RBPMS: variants seen among roughly 807,000 people sequenced by gnomAD.
RBPMS encodes RNA-binding protein with multiple splicing.
Under a neutral mutation model 26.8 loss-of-function variants are expected in RBPMS, and 7 were observed. That is an observed-to-expected ratio of 0.26 (90% confidence interval 0.15 to 0.49). The LOEUF is 0.49. RBPMS is among the 20% of genes least tolerant of loss of function. RBPMS has a pLI of 0.98. For synonymous variants in RBPMS, 96 were observed against 93.3 expected (o/e 1.03, Z -0.17); for missense variants, 186 against 250.0 (o/e 0.74, Z 1.73).
At chr8:30,439,573 T>A (rs1812840401) in intron 1 of RBPMS, among the ~76,000 whole-genome samples, 1 of 152,278 alleles carries the variant, frequency 6.6e-6, no homozygotes, top group South Asian at 2.1e-4. Context: ...GAGGAAAAAC[T>A]TCTTTCTTAG....
chr8:30,551,666 T>C (rs943360109), intron 6 of RBPMS, among the ~76,000 whole-genome samples: 1 of 152,146 alleles, frequency 6.6e-6, no homozygotes, highest in Non-Finnish European at 1.5e-5. Flanking sequence ...GGAAGTGCCG[T>C]CTGCGCTCGG....
chr8:30,390,270 A>C (rs1418695656), intron 1 of RBPMS, among the ~76,000 whole-genome samples: 1 of 152,210 alleles, frequency 6.6e-6, no homozygotes, highest in Non-Finnish European at 1.5e-5. Flanking sequence ...AGTTTTGCTC[A>C]CAAGCCTAGC....
chr8:30,408,846 A>G (rs1808954766), intron 1 of RBPMS, among the ~76,000 whole-genome samples: 1 of 152,154 alleles, frequency 6.6e-6, no homozygotes, highest in African/African-American at 2.4e-5. Flanking sequence ...TCATTAACCA[A>G]TCAGTCACCA....
chr8:30,426,033 G>C (rs928214057), intron 1 of RBPMS, among the ~76,000 whole-genome samples: 2 of 152,136 alleles, frequency 1.3e-5, no homozygotes, highest in South Asian at 4.2e-4. Context: ...AGGCTTCTCT[G>C]TCTCTTTCCT....
chr8:30,546,804 C>T (rs114605820), intron 6 of RBPMS, among the ~76,000 whole-genome samples: 2 of 152,302 alleles, frequency 1.3e-5, no homozygotes, highest in African/African-American at 4.8e-5. Flanking sequence ...CTAGTAGAGG[C>T]TTTACAGATC....
At chr8:30,477,479 T>C (rs1817825544) in intron 2 of RBPMS, among the ~76,000 whole-genome samples, 1 of 152,156 alleles carries the variant, frequency 6.6e-6, no homozygotes, top group Non-Finnish European at 1.5e-5. Context: ...CCTATTCTTA[T>C]CTAGACCAAG....
At chr8:30,556,861 C>G (rs1399752167) in intron 6 of RBPMS, 1 of 788,244 alleles carries the variant, frequency 1.3e-6, no homozygotes, top group Non-Finnish European at 1.5e-6. Flanking sequence ...CTTCTGTCCC[C>G]TTCCCTGCCC....
rs58756060 is a variant in RBPMS, at chr8:30,428,020, CT to C, written c.66+42884del. Among the ~76,000 whole-genome samples the C allele has an allele frequency of 3.5e-3, 364 of 103,948 alleles. 2 individuals are homozygous for C. Among genetic ancestry groups the C allele is most frequent in the African/African-American group, 0.011 (279 of 26,180 alleles). The allele number at this position is 103,948 out of a possible 152,430, so 68.2% of individuals were successfully genotyped here. ...CCTTGGCAACAAAATGAGACCCCAT[CT>C]TTTTTTTTTTTTTTTTTTTTTGAGA... On this transcript the variant is annotated intron_variant, in intron 1 of 8. Coordinates refer to ENST00000397323, the MANE Select transcript of RBPMS (RefSeq NM_001008710.3).
chr8:30,487,539 CTT>C (rs963365861), intron 4 of RBPMS, among the ~76,000 whole-genome samples: 2 of 142,756 alleles, frequency 1.4e-5, no homozygotes, highest in African/African-American at 4.9e-5. Flanking sequence ...TAAATGCAGG[CTT>C]TTTTTGCTTT....
At chr8:30,409,660 G>A (rs1809063047) in intron 1 of RBPMS, among the ~76,000 whole-genome samples, 1 of 152,108 alleles carries the variant, frequency 6.6e-6, no homozygotes, top group African/African-American at 2.4e-5. Context: ...TTGAGACGGA[G>A]TCTCGCTCTG....
intron 1 of RBPMS, among the ~76,000 whole-genome samples, chr8:30,385,934 AG>A (rs1210346864): frequency 6.6e-6 from 1 of 152,206 alleles, no homozygotes; most frequent in Non-Finnish European, 1.5e-5. Flanking sequence ...TGTGGTCAGA[AG>A]GGGAGTCGGA....
At chr8:30,439,861 A>G (rs562942433) in intron 1 of RBPMS, among the ~76,000 whole-genome samples, 3 of 152,210 alleles carry the variant, frequency 2.0e-5, no homozygotes, top group Non-Finnish European at 4.4e-5. Flanking sequence ...CATGTTGCCC[A>G]GGCTGTGCTT....
At chr8:30,540,102 C>T (rs1262003369) in intron 5 of RBPMS, among the ~76,000 whole-genome samples, 3 of 152,134 alleles carry the variant, frequency 2.0e-5, no homozygotes, top group African/African-American at 4.8e-5. Flanking sequence ...CCCCTCCCTG[C>T]CCCCAGAAGA....
At chr8:30,490,576 C>T (rs996641280) in intron 4 of RBPMS, among the ~76,000 whole-genome samples, 4 of 152,272 alleles carry the variant, frequency 2.6e-5, no homozygotes, top group African/African-American at 9.6e-5. Context: ...TCTCCTGCCT[C>T]AGCCTCCTGA....
intron 4 of RBPMS, among the ~76,000 whole-genome samples, chr8:30,485,654 T>C (rs185080706): frequency 2.6e-5 from 4 of 152,262 alleles, no homozygotes; most frequent in African/African-American, 9.6e-5. Context: ...ACTATGTGCA[T>C]GCACTTTGGA....
intron 1 of RBPMS, among the ~76,000 whole-genome samples, chr8:30,463,570 A>G (rs1816183536): frequency 6.6e-6 from 1 of 152,244 alleles, no homozygotes; most frequent in Non-Finnish European, 1.5e-5. Flanking sequence ...CAGTCTTAGA[A>G]GTCATACACT....
intron 6 of RBPMS, among the ~76,000 whole-genome samples, chr8:30,554,933 G>C (rs1344618023): frequency 6.6e-6 from 1 of 152,138 alleles, no homozygotes; most frequent in Non-Finnish European, 1.5e-5. Context: ...GTTTTACCCT[G>C]TGCCAGTCAC....
At chr8:30,511,588 G>GAT (rs1363863456) in intron 5 of RBPMS, among the ~76,000 whole-genome samples, 1 of 139,774 alleles carries the variant, frequency 7.2e-6, no homozygotes, top group South Asian at 2.3e-4. Flanking sequence ...TATGTGTATA[G>GAT]ATATATATAT....
At chr8:30,474,735 G>A in intron 1 of RBPMS, 44 bp from the exon 2 acceptor site, 1 of 1,106,598 alleles carries the variant, frequency 9.0e-7, no homozygotes. Context: ...TTAACTCTCT[G>A]GAGTGTCCAC....
Sources: allele counts gnomAD v4.1 joint callset (sites outside exome capture counted in the v4.1 genomes callset), GRCh38; gene constraint gnomAD v4.1.1; transcripts MANE v1.5; gene names NCBI Gene and HGNC (gene_info 2026-07-23, HGNC 2026-07-21).